Variants in AFDN observed in about 807,000 individuals in gnomAD.
AFDN encodes the protein afadin, adherens junction formation factor.
AFDN carries 68 observed loss-of-function variants against 216.6 expected under a neutral mutation model. The observed-to-expected ratio is 0.31, with a 90% CI of 0.26 to 0.38. The LOEUF (loss-of-function observed/expected upper bound fraction) is 0.38, where lower values mean the gene tolerates loss of function less well. AFDN is among the 10% of genes least tolerant of loss of function. The probability of loss-of-function intolerance (pLI) is 1.00; values close to 1 mark genes in which losing one functional copy is unlikely to be tolerated. For synonymous variants in AFDN, 868 were observed against 853.7 expected (o/e 1.02, Z -0.29); for missense variants, 2,136 against 2,342.0 (o/e 0.91, Z 1.82).
intron 25 of AFDN, 23 bp from the exon 26 acceptor site, chr6:167,943,918 C>T (rs757374932): frequency 1.2e-6 from 2 of 1,601,896 alleles, no homozygotes; most frequent in Admixed American, 3.3e-5. Flanking sequence ...GTCTTTCTTA[C>T]ATGTGTAATC....
chr6:167,891,404 GGTGGGT>G (rs1468867926), intron 8 of AFDN, among the ~76,000 whole-genome samples: 8,568 of 138,034 alleles, frequency 0.062, 365 homozygotes, highest in African/African-American at 0.13. Context: ...TTCATAAAGG[GGTGGGT>G]GTGTGTGTGT....
rs150082840 is a variant in AFDN at position 167,952,026 on chromosome 6, G to A, written c.4672G>A (p.Ala1558Thr). Residue 1558 changes from alanine (A) to threonine (T), a missense_variant, in exon 30 of 34, where the codon GCC becomes ACC. Around this residue, in one of 8 missense-constraint regions of AFDN, gnomAD observed 981 missense variants for 966.0 expected, o/e 1.02. Coordinates refer to ENST00000683244, the MANE Select transcript of AFDN (RefSeq NM_001386888.1). ...QELQSKPDRS[A>T]EESDRLRKLM... is the part of the protein sequence containing the mutation. ...GCTCCAGAGCAAACCGGACCGCAGC[G>A]CCGAGGAGAGCGACCGGCTGCGCAA... 9.9e-6 allele frequency: 16 copies of A among 1,614,072 alleles called. No individual in the cohort carries two copies. Among genetic ancestry groups the A allele is most frequent in the South Asian group, 3.3e-5 (3 of 91,086 alleles).
At chr6:167,895,028 AT>A (rs1256623550) in intron 9 of AFDN, among the ~76,000 whole-genome samples, 2 of 151,672 alleles carry the variant, frequency 1.3e-5, no homozygotes, top group Non-Finnish European at 2.9e-5. Context: ...AGTTTTCTTT[AT>A]TTTTATATAA....
At chr6:167,957,004 C>T (rs370880826) in intron 30 of AFDN, among the ~76,000 whole-genome samples, 19 of 152,224 alleles carry the variant, frequency 1.2e-4, no homozygotes, top group African/African-American at 4.1e-4. Context: ...TAAGTTTGCT[C>T]GGGTCTCATC....
chr6:167,952,035 A>G lies in AFDN; in HGVS notation c.4681A>G (p.Ser1561Gly). ...CAAACCGGACCGCAGCGCCGAGGAGAGCGACCGGCTGCGCAAGCTCATGCT... is the reference window on the plus strand; with the variant it reads ...CAAACCGGACCGCAGCGCCGAGGAGGGCGACCGGCTGCGCAAGCTCATGCT... The part of the protein sequence containing the change: ...QSKPDRSAEE[S>G]DRLRKLMLEW... Residue 1561 changes from serine to glycine, a missense_variant, in exon 30 of 34, where the codon AGC becomes GGC. This residue lies in a region of AFDN where 981 missense variants were observed against 966.0 expected (regional missense o/e 1.02). Coordinates refer to ENST00000683244, the MANE Select transcript of AFDN (RefSeq NM_001386888.1). 1 of 1,614,166 alleles carries G rather than the reference A, an allele frequency of 6.2e-7. No individual in the cohort carries two copies. Among genetic ancestry groups the G allele is most frequent in the Non-Finnish European group, 8.5e-7 (1 of 1,180,012 alleles).
chr6:167,892,645 A>T (rs370647420), intron 8 of AFDN, among the ~76,000 whole-genome samples: 1 of 152,210 alleles, frequency 6.6e-6, no homozygotes, highest in South Asian at 2.1e-4. Context: ...CATGCATTTG[A>T]TAAATATTGA....
At chr6:167,826,807 T>TGCG (rs1203377784), upstream of AFDN, 8 of 144,194 alleles carry the variant, frequency 5.5e-5, no homozygotes, top group Non-Finnish European at 9.3e-5. Flanking sequence ...GGCCCGGAGG[T>TGCG]GCGGCGGCGC....
At chr6:167,947,209 C>G (rs1019486192) in intron 27 of AFDN, among the ~76,000 whole-genome samples, 2 of 150,006 alleles carry the variant, frequency 1.3e-5, no homozygotes, top group African/African-American at 4.9e-5. Flanking sequence ...GAGTCTCACT[C>G]TCTCGCCCAG....
At chr6:167,896,802 C>T (rs1788315717) in intron 9 of AFDN, 76 bp from the exon 10 acceptor site, 4 of 858,118 alleles carry the variant, frequency 4.7e-6, no homozygotes, top group Non-Finnish European at 7.6e-6. Context: ...CCTGAGATAA[C>T]CTTTTGTTTG....
At chr6:167,945,153 G>T (rs1795118337) in intron 26 of AFDN, among the ~76,000 whole-genome samples, 1 of 140,540 alleles carries the variant, frequency 7.1e-6, no homozygotes. Context: ...TATTCCATAA[G>T]TGATTTTCTA....
intron 6 of AFDN, among the ~76,000 whole-genome samples, chr6:167,886,212 T>G (rs1168157442): frequency 6.6e-6 from 1 of 152,136 alleles, no homozygotes. Context: ...AGAAGAGAGA[T>G]AAGCATGGGT....
intron 14 of AFDN, 49 bp from the exon 15 acceptor site, chr6:167,911,235 G>GT (rs752352157): frequency 3.1e-6 from 5 of 1,602,632 alleles, no homozygotes; most frequent in South Asian, 1.1e-5. Context: ...TTTCACATTC[G>GT]TTTTTATTCT....
intron 23 of AFDN, 64 bp downstream of exon 23, chr6:167,925,155 C>CA (rs1369186716): frequency 8.4e-7 from 1 of 1,186,590 alleles, no homozygotes; most frequent in Non-Finnish European, 1.3e-6. Context: ...CAGTGGTTGT[C>CA]AGAGTGGATC....
intron 30 of AFDN, among the ~76,000 whole-genome samples, chr6:167,961,528 T>C (rs1388841376): frequency 6.6e-6 from 1 of 152,098 alleles, no homozygotes; most frequent in Non-Finnish European, 1.5e-5. Flanking sequence ...GAGCTAAAAA[T>C]TGAAAAGAAG....
At chr6:167,936,999 A>G (rs1794087255) in intron 23 of AFDN, among the ~76,000 whole-genome samples, 1 of 152,212 alleles carries the variant, frequency 6.6e-6, no homozygotes, top group Non-Finnish European at 1.5e-5. Context: ...AATTTTTATG[A>G]TCAGTTTATG....
At chr6:167,961,822 G>A (rs963968241) in intron 30 of AFDN, among the ~76,000 whole-genome samples, 5 of 152,156 alleles carry the variant, frequency 3.3e-5, no homozygotes, top group East Asian at 1.9e-4. Context: ...GTCCTGAGTC[G>A]GGAGGGAATT....
intron 30 of AFDN, among the ~76,000 whole-genome samples, chr6:167,953,776 T>TA (rs1396599727): frequency 1.4e-4 from 21 of 152,216 alleles, no homozygotes; most frequent in African/African-American, 4.8e-4. Context: ...CTCTGGCCAG[T>TA]GTCGCTCCTG....
In AFDN at chr6:167,965,892, C is replaced by A. The variant is rs1278215744; in HGVS notation, c.5104C>A (p.Pro1702Thr). 1 of 1,548,900 alleles carries A rather than the reference C, an allele frequency of 6.5e-7. No homozygotes were observed. The highest frequency in any genetic ancestry group is 1.4e-5 in the African/African-American group (1 of 73,032). The change falls in exon 32 of 34, where the codon CCG (proline) becomes ACG (threonine). Residue 1702 changes from proline (P) to threonine (T), a missense_variant. Around this residue, in one of 8 missense-constraint regions of AFDN, gnomAD observed 981 missense variants for 966.0 expected, o/e 1.02. Coordinates refer to ENST00000683244, the MANE Select transcript of AFDN (RefSeq NM_001386888.1). ...TCCGCTTCCCCGGGACTACGAGCCC[C>A]CGTCCCCGTCCCCCGCGCCCGGCGC... ...RPPLPRDYEP[P>T]SPSPAPGAPP... is the part of the protein sequence containing the mutation.
chr6:167,952,599 C>T (rs1320260898), intron 30 of AFDN: 1 of 653,274 alleles, frequency 1.5e-6, no homozygotes, highest in Admixed American at 6.3e-5. Context: ...TGGCAACCCC[C>T]AGCTCTGCTG....
Sources: allele counts gnomAD v4.1 joint callset (sites outside exome capture counted in the v4.1 genomes callset), GRCh38; gene constraint gnomAD v4.1.1; regional missense constraint gnomAD v4.1.1; transcripts MANE v1.5; gene names NCBI Gene and HGNC (gene_info 2026-07-23, HGNC 2026-07-21).